The following EIF4G3 variants were observed in gnomAD, a reference collection of about 807,000 sequenced individuals.
The protein encoded by EIF4G3 is eIF-4-gamma 3.
Under a neutral mutation model 186.4 loss-of-function variants are expected in EIF4G3, and 34 were observed. The observed-to-expected ratio is 0.18, with a 90% CI of 0.14 to 0.24. The LOEUF (loss-of-function observed/expected upper bound fraction) is 0.24, where lower values mean the gene tolerates loss of function less well. Among genes scored for constraint, EIF4G3 ranks in the 10% least tolerant of loss-of-function variants. EIF4G3 has a pLI of 1.00. For synonymous variants in EIF4G3, 673 were observed against 679.5 expected, an observed-to-expected ratio of 0.99 and a Z score of 0.15; for missense variants, 1,536 against 1,948.5, an observed-to-expected ratio of 0.79 and a Z score of 3.99.
At chr1:21,056,491 T>C (rs1369477493) in intron 3 of EIF4G3, among the ~76,000 whole-genome samples, 2 of 152,144 alleles carry the variant, frequency 1.3e-5, no homozygotes, top group Non-Finnish European at 2.9e-5. Context: ...TTACTAGAAA[T>C]TATACAGAAC....
chr1:20,955,063 G>A (rs933959964), intron 12 of EIF4G3, among the ~76,000 whole-genome samples: 9 of 152,210 alleles, frequency 5.9e-5, no homozygotes, highest in African/African-American at 1.9e-4. Flanking sequence ...TAAAAGGTAA[G>A]AGGGATGCAG....
rs892940122 is a variant in EIF4G3, at chr1:20,945,906, A to C, written c.824-3576T>G. 2.0e-5 allele frequency among the ~76,000 whole-genome samples: 3 copies of C among 152,224 alleles called. No individual in the cohort carries two copies. The East Asian group carries it at 5.8e-4, about 29-fold the overall frequency. ...GTGCATAGGGGAAAGTCAGCTTATT[A>C]ATAATGGCTCTGAGTAATCAGACAC... On this transcript the variant is annotated intron_variant, in intron 13 of 36. Coordinates refer to ENST00000602326, the MANE Select transcript of EIF4G3 (RefSeq NM_001391906.1).
intron 29 of EIF4G3, among the ~76,000 whole-genome samples, chr1:20,848,465 G>A (rs1320363859): frequency 6.6e-6 from 1 of 152,146 alleles, no homozygotes; most frequent in Non-Finnish European, 1.5e-5. Context: ...CATAACTACA[G>A]TTAAGTAACT....
intron 2 of EIF4G3, among the ~76,000 whole-genome samples, chr1:21,113,297 T>G (rs1206254370): frequency 6.6e-6 from 1 of 152,098 alleles, no homozygotes; most frequent in East Asian, 1.9e-4. Flanking sequence ...TAATAAGCTT[T>G]CTTAGGCTGA....
At chr1:20,961,808 G>A (rs1331412995) in intron 12 of EIF4G3, among the ~76,000 whole-genome samples, 1 of 152,112 alleles carries the variant, frequency 6.6e-6, no homozygotes, top group Non-Finnish European at 1.5e-5. Flanking sequence ...AACCATTTAA[G>A]TCAAGGGAGG....
In EIF4G3 at chr1:20,945,612, C is replaced by T. The variant is rs2095906149; in HGVS notation, c.824-3282G>A. Among the ~76,000 whole-genome samples, 5 of 152,070 alleles carry T rather than the reference C, an allele frequency of 3.3e-5. No individual in the cohort carries two copies. The South Asian group carries it at 1.0e-3, about 31-fold the overall frequency. Reference sequence around the variant, plus strand: ...TCCCAAGTATCTGAGACCACATGTACGAGCCACCATACCTGGCTAATATTT... The same window carrying T: ...TCCCAAGTATCTGAGACCACATGTATGAGCCACCATACCTGGCTAATATTT... On this transcript the variant is annotated intron_variant, in intron 13 of 36. Coordinates refer to ENST00000602326, the MANE Select transcript of EIF4G3 (RefSeq NM_001391906.1).
At chr1:21,007,515 T>TAAAAAAAAAAAAA (rs368328382) in intron 4 of EIF4G3, among the ~76,000 whole-genome samples, 202 of 14,436 alleles carry the variant, frequency 0.014, 9 homozygotes, top group Non-Finnish European at 0.027. Context: ...GGCCCCTCCT[T>TAAAAAAAAAAAAA]AAAAAAAAAA....
At chr1:21,089,322 G>A (rs1456822679) in intron 2 of EIF4G3, 109 bp from the exon 3 acceptor site, 3 of 662,732 alleles carry the variant, frequency 4.5e-6, no homozygotes, top group Admixed American at 4.8e-5. Context: ...CACCCAATTA[G>A]TGAGTTATAT....
chr1:21,124,507 T>C (rs1179744241), intron 2 of EIF4G3, among the ~76,000 whole-genome samples: 2 of 152,150 alleles, frequency 1.3e-5, no homozygotes, highest in African/African-American at 4.8e-5. Flanking sequence ...AGAGGATAAC[T>C]CACTGACACA....
chr1:20,996,540 A>C (rs2082318804), intron 7 of EIF4G3, among the ~76,000 whole-genome samples: 1 of 152,204 alleles, frequency 6.6e-6, no homozygotes, highest in South Asian at 2.1e-4. Context: ...TCAGGTATTA[A>C]ATCACTGGAA....
chr1:21,143,040 G>C (rs1198007550), intron 2 of EIF4G3, among the ~76,000 whole-genome samples: 1 of 152,080 alleles, frequency 6.6e-6, no homozygotes, highest in Admixed American at 6.6e-5. Flanking sequence ...CTTGAGGTTA[G>C]GAGTTCAAGA....
chr1:21,090,241 CCT>C (rs944675029), intron 2 of EIF4G3, among the ~76,000 whole-genome samples: 4 of 152,134 alleles, frequency 2.6e-5, no homozygotes, highest in East Asian at 3.8e-4. Flanking sequence ...TTCGAATTCT[CCT>C]CTTTCTTTTT....
At chr1:21,002,185 T>C (rs542781062) in intron 5 of EIF4G3, among the ~76,000 whole-genome samples, 13 of 152,368 alleles carry the variant, frequency 8.5e-5, no homozygotes, top group Admixed American at 2.0e-4. Flanking sequence ...TTTACATTTG[T>C]ATCACAATTT....
intron 11 of EIF4G3, among the ~76,000 whole-genome samples, chr1:20,970,827 G>C (rs556907315): frequency 1.3e-5 from 2 of 151,918 alleles, no homozygotes; most frequent in African/African-American, 4.8e-5. Context: ...AGCTGGGTGC[G>C]GTGGCAGGCG....
At chr1:21,110,228 C>T (rs1410946126) in intron 2 of EIF4G3, among the ~76,000 whole-genome samples, 1 of 152,018 alleles carries the variant, frequency 6.6e-6, no homozygotes, top group Non-Finnish European at 1.5e-5. Context: ...ATCTAACCAA[C>T]ATTCTACAGG....
At chr1:20,910,061 G>A (rs1031575422) in intron 14 of EIF4G3, among the ~76,000 whole-genome samples, 7 of 152,072 alleles carry the variant, frequency 4.6e-5, no homozygotes, top group African/African-American at 1.2e-4. Flanking sequence ...GGGATTACAG[G>A]AGTGAGCCAC....
intron 3 of EIF4G3, among the ~76,000 whole-genome samples, chr1:21,072,152 G>A (rs2095461473): frequency 6.6e-6 from 1 of 151,998 alleles, no homozygotes; most frequent in Admixed American, 6.6e-5. Flanking sequence ...GTTTATTAAA[G>A]GAGTTTACTT....
intron 3 of EIF4G3, among the ~76,000 whole-genome samples, chr1:21,060,017 G>A (rs901959360): frequency 3.9e-5 from 6 of 152,148 alleles, no homozygotes; most frequent in African/African-American, 9.7e-5. Flanking sequence ...GCCCGATCTC[G>A]GCTCACTGCA....
chr1:21,103,424 A>T (rs2096561424), intron 2 of EIF4G3, among the ~76,000 whole-genome samples: 1 of 152,230 alleles, frequency 6.6e-6, no homozygotes, highest in Non-Finnish European at 1.5e-5. Flanking sequence ...AAATAAAATA[A>T]AATTATAAAT....
Sources: gnomAD v4.1 joint callset for allele counts (sites outside exome capture counted in the v4.1 genomes callset) on GRCh38, gnomAD v4.1.1 for gene constraint, MANE v1.5 for transcripts, NCBI Gene and HGNC (gene_info 2026-07-23, HGNC 2026-07-21) for gene names.